The following MGAT5 variants were observed in gnomAD, a reference collection of about 807,000 sequenced individuals.
MGAT5 encodes alpha-1,6-mannosylglycoprotein 6-beta-N-acetylglucosaminyltransferase.
MGAT5 carries 30 observed loss-of-function variants against 94.3 expected under a neutral mutation model. That is an observed-to-expected ratio of 0.32 (90% CI 0.24 to 0.43). The LOEUF (loss-of-function observed/expected upper bound fraction) is 0.43. MGAT5 is among the 20% of genes least tolerant of loss of function. The pLI, the probability that MGAT5 is intolerant of heterozygous loss-of-function variation, is 1.00. For missense variants in MGAT5, 691 were observed against 905.5 expected, an observed-to-expected ratio of 0.76 and a Z score of 3.04; for synonymous variants, 310 against 322.9, an observed-to-expected ratio of 0.96 and a Z score of 0.43.
chr2:134,188,001 C>G (rs139665880), intron 1 of MGAT5, among the ~76,000 whole-genome samples: 149 of 152,340 alleles, frequency 9.8e-4, no homozygotes, highest in African/African-American at 3.2e-3. Context: ...TGAACCTCTT[C>G]ATTTATTGCA....
rs747569655 is a variant in MGAT5, at chr2:134,349,809, A to G, written c.1117A>G (p.Met373Val). 82 of 1,613,372 alleles carry G rather than the reference A, an allele frequency of 5.1e-5. 2 individuals are homozygous for G. In the East Asian group the frequency reaches 1.6e-3, roughly 32 times the overall value. The change falls in exon 9 of 16, where the codon ATG becomes GTG. Residue 373 changes from methionine to valine, a missense_variant. Physicochemically the swap from Met to Val is conservative, Grantham distance 21 (BLOSUM62 1). Around this residue, in one of 4 missense-constraint regions of MGAT5, gnomAD observed 121 missense variants for 206.1 expected, o/e 0.59. Transcript: ENST00000281923. ...LGPSWVHYQC[M>V]LRVLDSFGTE... ...CACATTGCTTTTTTCTTTCAGGTGC[A>G]TGCTCCGAGTCCTTGATTCATTTGG...
At chr2:134,128,373 T>C (rs1685953590) in intron 1 of MGAT5, among the ~76,000 whole-genome samples, 1 of 152,200 alleles carries the variant, frequency 6.6e-6, no homozygotes, top group East Asian at 1.9e-4. Context: ...AGGATTTTGT[T>C]ACTATGGCCT....
chr2:134,212,677 G>C (rs1468451557), intron 1 of MGAT5, among the ~76,000 whole-genome samples: 1 of 152,178 alleles, frequency 6.6e-6, no homozygotes, highest in African/African-American at 2.4e-5. Flanking sequence ...CTGGAAATTT[G>C]GGACAGCTCC....
At chr2:134,403,681 C>T (rs1205231386) in intron 11 of MGAT5, among the ~76,000 whole-genome samples, 1 of 152,154 alleles carries the variant, frequency 6.6e-6, no homozygotes, top group East Asian at 1.9e-4. Context: ...TGTAGACACA[C>T]CTGGCATGTG....
intron 10 of MGAT5, among the ~76,000 whole-genome samples, chr2:134,372,917 G>A (rs189382882): frequency 3.8e-4 from 58 of 152,336 alleles, no homozygotes; most frequent in African/African-American, 1.3e-3. Context: ...GGCTGGCTTG[G>A]GAAGCTGGAG....
intron 2 of MGAT5, among the ~76,000 whole-genome samples, chr2:134,276,929 C>T (rs892528240): frequency 6.6e-6 from 1 of 152,090 alleles, no homozygotes; most frequent in African/African-American, 2.4e-5. Flanking sequence ...GAGAATTTGT[C>T]ATAATTATTT....
intron 2 of MGAT5, among the ~76,000 whole-genome samples, chr2:134,299,116 A>C (rs986353255): frequency 6.6e-6 from 1 of 152,154 alleles, no homozygotes; most frequent in African/African-American, 2.4e-5. Context: ...CAATACCACT[A>C]TCATCATCTG....
intron 1 of MGAT5, among the ~76,000 whole-genome samples, chr2:134,144,063 G>A (rs1255926210): frequency 6.6e-6 from 1 of 152,140 alleles, no homozygotes; most frequent in East Asian, 1.9e-4. Context: ...GTAGAGGCCA[G>A]GACAAGGTGT....
intron 10 of MGAT5, among the ~76,000 whole-genome samples, chr2:134,375,249 G>A (rs913959529): frequency 6.6e-6 from 1 of 152,190 alleles, no homozygotes; most frequent in Non-Finnish European, 1.5e-5. Flanking sequence ...TCCTCAGGTG[G>A]TCAGGATTTG....
chr2:134,206,978 A>G (rs1258359811), intron 1 of MGAT5, among the ~76,000 whole-genome samples: 1 of 152,230 alleles, frequency 6.6e-6, no homozygotes, highest in Non-Finnish European at 1.5e-5. Context: ...ATAGGTAATT[A>G]TTAATGACAA....
At chr2:134,297,544 A>G (rs1175335483) in intron 2 of MGAT5, among the ~76,000 whole-genome samples, 1 of 152,224 alleles carries the variant, frequency 6.6e-6, no homozygotes, top group African/African-American at 2.4e-5. Context: ...TATATAATGA[A>G]CAATTGGAAT....
Position 134,413,348 on chromosome 2 carries a change from T to C in MGAT5, c.1677+333T>C, listed in dbSNP as rs535748867. ...AGATCAACTGGTTAGCAGATACTTG[T>C]GAAGAATCTGCTCCCCATGATGGGC... On this transcript the variant is annotated intron_variant, in intron 12 of 15. Coordinates refer to ENST00000281923, the MANE Select transcript of MGAT5 (RefSeq NM_002410.5). 5.3e-5 allele frequency among the ~76,000 whole-genome samples: 8 copies of C among 152,328 alleles called. No homozygotes were observed. In the South Asian group the frequency reaches 1.7e-3, roughly 32 times the overall value.
chr2:134,370,831 T>C (rs2106154486), intron 10 of MGAT5, among the ~76,000 whole-genome samples: 1 of 152,374 alleles, frequency 6.6e-6, no homozygotes, highest in South Asian at 2.1e-4. Context: ...AGAGCCATGA[T>C]CCAGGAACCT....
At chr2:134,240,324 G>A (rs934111769) in intron 1 of MGAT5, among the ~76,000 whole-genome samples, 2 of 151,322 alleles carry the variant, frequency 1.3e-5, no homozygotes, top group Non-Finnish European at 2.9e-5. Flanking sequence ...GGATTTTTGA[G>A]GGTGCCCTGA....
chr2:134,354,154 C>T (rs1365318990), intron 9 of MGAT5, among the ~76,000 whole-genome samples: 2 of 152,106 alleles, frequency 1.3e-5, no homozygotes, highest in East Asian at 1.9e-4. Flanking sequence ...GAAACAAATA[C>T]TAGTGCTTAA....
At chr2:134,334,352 C>G (rs1361262437) in intron 4 of MGAT5, among the ~76,000 whole-genome samples, 1 of 151,996 alleles carries the variant, frequency 6.6e-6, no homozygotes, top group East Asian at 1.9e-4. Context: ...TCATGTCTCT[C>G]CTCTTAGTTG....
intron 1 of MGAT5, among the ~76,000 whole-genome samples, chr2:134,269,715 C>T (rs1167429676): frequency 6.6e-6 from 1 of 152,148 alleles, no homozygotes; most frequent in African/African-American, 2.4e-5. Flanking sequence ...AGAAAGGGAA[C>T]CAACTCTTAA....
At chr2:134,201,816 CTTTTTTTTTTT>C (rs554227745) in intron 1 of MGAT5, among the ~76,000 whole-genome samples, 29 of 67,860 alleles carry the variant, frequency 4.3e-4, no homozygotes, top group East Asian at 2.8e-3. Flanking sequence ...CCAAGCGCTG[CTTTTTTTTTTT>C]TTTTTTTTTT....
intron 2 of MGAT5, among the ~76,000 whole-genome samples, chr2:134,303,369 A>G (rs1184197301): frequency 6.6e-6 from 1 of 152,148 alleles, no homozygotes; most frequent in East Asian, 1.9e-4. Context: ...CATGACAAGG[A>G]TATGCTATAG....
Sources: allele counts gnomAD v4.1 joint callset (sites outside exome capture counted in the v4.1 genomes callset), GRCh38; gene constraint gnomAD v4.1.1; regional missense constraint gnomAD v4.1.1; transcripts MANE v1.5; gene names NCBI Gene and HGNC (gene_info 2026-07-23, HGNC 2026-07-21).